The following MTMR10 variants were observed in gnomAD, a reference collection of about 807,000 sequenced individuals.
MTMR10 encodes the protein myotubularin related protein 10.
MTMR10 carries 56 observed loss-of-function variants against 88.1 expected under a neutral mutation model. The ratio of observed to expected loss-of-function variants is 0.64; its 90% CI spans 0.51 to 0.79. The LOEUF (loss-of-function observed/expected upper bound fraction) is 0.79. MTMR10 is among the 30% of genes least tolerant of loss of function. The pLI, the probability that MTMR10 is intolerant of heterozygous loss-of-function variation, is 0.00. For synonymous variants in MTMR10, 380 were observed against 340.9 expected (o/e 1.11, Z -1.26); for missense variants, 883 against 924.7 (o/e 0.95, Z 0.58).
At chr15:30,937,373 T>C, downstream of MTMR10, 1 of 979,886 alleles carries the variant, frequency 1.0e-6, no homozygotes, top group South Asian at 1.7e-5. Context: ...TGACTTGTCA[T>C]TTTACAGTGT....
intron 9 of MTMR10, among the ~76,000 whole-genome samples, chr15:30,955,476 T>C (rs555318726): frequency 5.3e-4 from 80 of 152,306 alleles, no homozygotes; most frequent in Non-Finnish European, 9.4e-4. Context: ...TTCACCATGT[T>C]GGCCAGGCTG....
At chr15:30,945,892 C>T (rs2063163548) in intron 14 of MTMR10, among the ~76,000 whole-genome samples, 1 of 152,150 alleles carries the variant, frequency 6.6e-6, no homozygotes, top group South Asian at 2.1e-4. Context: ...GGGCTTAAGC[C>T]ATCCTCCCAC....
chr15:30,975,585 A>C (rs2030066431), intron 3 of MTMR10, among the ~76,000 whole-genome samples: 1 of 152,192 alleles, frequency 6.6e-6, no homozygotes, highest in Non-Finnish European at 1.5e-5. Context: ...AGCTAAAAAC[A>C]AAGAGAAACA....
chr15:30,948,304 CTT>C lies in MTMR10; in HGVS notation c.1373_1374del (p.Lys458ArgfsTer24), dbSNP rs1216962629. ...AAAAGGCATCAAGATTTTGTTACCT[CTT>C]TCTCTGATCTCTTTAGATGGTTGCA... ...DRCNHLKRSEKESPLFLLFLD... is the reference protein window; with the variant it reads ...DRCNHLKRSEXESPLFLLFLD... On this transcript the variant is annotated frameshift_variant, in exon 13 of 16. Coordinates refer to ENST00000435680, the MANE Select transcript of MTMR10 (RefSeq NM_017762.3). LOFTEE classifies it high-confidence loss of function. 1 of 1,608,726 alleles carries C rather than the reference CTT, an allele frequency of 6.2e-7. No individual in the cohort carries two copies. The highest frequency in any genetic ancestry group is 8.5e-7 in the Non-Finnish European group (1 of 1,178,314).
the MTMR10 span, among the ~76,000 whole-genome samples, chr15:30,923,653 C>T: frequency 6.6e-6 from 1 of 152,332 alleles, no homozygotes; most frequent in East Asian, 1.9e-4. Flanking sequence ...GCCAGCTGGG[C>T]CCTCCCTCTC....
chr15:30,928,078 A>G, the MTMR10 span: 1 of 1,001,362 alleles, frequency 1.0e-6, no homozygotes, highest in African/African-American at 1.7e-5. Flanking sequence ...TGAGGCCAAG[A>G]ACGGAGGTGG....
intron 12 of MTMR10, chr15:30,948,679 T>C (rs2063204107): frequency 1.7e-6 from 1 of 583,122 alleles, no homozygotes; most frequent in Non-Finnish European, 3.0e-6. Flanking sequence ...GATGGTCTTT[T>C]ATACATGGAT....
intron 1 of MTMR10, 86 bp downstream of exon 1, chr15:30,991,361 G>A (rs1451671482): frequency 1.5e-6 from 2 of 1,300,376 alleles, no homozygotes; most frequent in Non-Finnish European, 1.0e-6. Flanking sequence ...GCAGCCTCCT[G>A]GGGTCCTCCA....
chr15:30,927,237 A>G, the MTMR10 span: 6 of 985,494 alleles, frequency 6.1e-6, no homozygotes, highest in African/African-American at 8.7e-5. Flanking sequence ...GAGTTCAGAA[A>G]TGATCTGGCC....
rs139725050 is a variant in MTMR10, at chr15:30,984,203, T to C, written c.121+6574A>G. 8.6e-3 allele frequency among the ~76,000 whole-genome samples: 1,313 copies of C among 152,252 alleles called. 6 individuals carry two copies. The highest frequency in any genetic ancestry group is 0.017 in the Middle Eastern group (5 of 294). ...TTATCCTGCTTAAGTAGGATTTTAT[T>C]TATGGAGGTTCATGAACGGTGTTGA... On this transcript the variant is annotated intron_variant, in intron 2 of 15. Coordinates refer to ENST00000435680, the MANE Select transcript of MTMR10 (RefSeq NM_017762.3).
chr15:30,920,466 TCTG>T, the MTMR10 span: 2 of 906,358 alleles, frequency 2.2e-6, no homozygotes, highest in African/African-American at 3.4e-5. Flanking sequence ...AGGAATTCAG[TCTG>T]CTTTGTCACT....
At chr15:30,978,902 T>C (rs532982942) in intron 2 of MTMR10, among the ~76,000 whole-genome samples, 1 of 152,062 alleles carries the variant, frequency 6.6e-6, no homozygotes, top group Admixed American at 6.6e-5. Context: ...TGACCAAATA[T>C]ATATATATAT....
intron 6 of MTMR10, among the ~76,000 whole-genome samples, chr15:30,965,506 T>C (rs963094355): frequency 1.3e-5 from 2 of 152,224 alleles, no homozygotes; most frequent in Non-Finnish European, 2.9e-5. Flanking sequence ...AAGATGAATC[T>C]GTACTTTTTT....
In MTMR10 at chr15:30,991,583, T is replaced by C. The variant is rs1314448598; in HGVS notation, c.-77A>G. 9.4e-6 allele frequency: 14 copies of C among 1,490,934 alleles called. No homozygotes were observed. In the East Asian group the frequency reaches 3.0e-4, roughly 32 times the overall value. 92.4% of individuals were successfully genotyped at this position (1,490,934 alleles called of 1,614,324 possible). A position where few individuals can be genotyped will look rare whatever the true frequency, so the allele number is the denominator to read the frequency against. ...ACGCCTCCGGGCGTAAAGCTCTCAG[T>C]GCGGCCGCCCAGGCCCTTTCTGCGG... is the stretch of plus-strand genomic sequence containing the variant. On this transcript the variant is annotated 5_prime_UTR_variant, in exon 1 of 16. Coordinates refer to ENST00000435680, the MANE Select transcript of MTMR10 (RefSeq NM_017762.3).
chr15:30,954,489 C>T (rs1259601431), intron 10 of MTMR10, among the ~76,000 whole-genome samples: 1 of 152,166 alleles, frequency 6.6e-6, no homozygotes, highest in East Asian at 1.9e-4. Context: ...TTCTACTCAG[C>T]AAATGCTTTT....
chr15:30,933,865 ATTC>A, the MTMR10 span, among the ~76,000 whole-genome samples: 1 of 151,922 alleles, frequency 6.6e-6, no homozygotes. Context: ...GGCTCAAGCA[ATTC>A]TTCTGCCTCA....
chr15:30,951,645 G>A (rs905228225), intron 12 of MTMR10, among the ~76,000 whole-genome samples: 13 of 151,954 alleles, frequency 8.6e-5, no homozygotes, highest in Admixed American at 6.6e-4. Flanking sequence ...GACTACAGGC[G>A]CACACCACCA....
At chr15:30,932,928 G>A in the MTMR10 span, among the ~76,000 whole-genome samples, 1 of 146,350 alleles carries the variant, frequency 6.8e-6, no homozygotes, top group Admixed American at 6.8e-5. Flanking sequence ...TTGCCATGTT[G>A]GCCAGGCTGG....
At chr15:30,983,134 T>C (rs2030700353) in intron 2 of MTMR10, among the ~76,000 whole-genome samples, 1 of 152,156 alleles carries the variant, frequency 6.6e-6, no homozygotes, top group African/African-American at 2.4e-5. Flanking sequence ...GGCCTGCTTG[T>C]GAGAACCCAC....
Sources: gnomAD v4.1 joint callset for allele counts (sites outside exome capture counted in the v4.1 genomes callset) on GRCh38, gnomAD v4.1.1 for gene constraint, MANE v1.5 for transcripts, NCBI Gene and HGNC (gene_info 2026-07-23, HGNC 2026-07-21) for gene names.